TECPR1: variants seen among roughly 807,000 people sequenced by gnomAD.
TECPR1 encodes tectonin beta-propeller repeat containing 1, also known as tectonin beta-propeller repeat-containing protein 1.
TECPR1 carries 122 observed loss-of-function variants against 162.4 expected under a neutral mutation model. The ratio of observed to expected loss-of-function variants is 0.75; its 90% CI spans 0.65 to 0.87. The LOEUF (loss-of-function observed/expected upper bound fraction) is 0.87. Ranked by LOEUF, TECPR1 falls within the 40% of genes least tolerant of loss-of-function variation. The pLI is 0.00. For missense variants in TECPR1, 1,432 were observed against 1,618.2 expected, an observed-to-expected ratio of 0.88 and a Z score of 1.97; for synonymous variants, 642 against 670.6, an observed-to-expected ratio of 0.96 and a Z score of 0.66.
At position 98,217,129 on chromosome 7, in the gene TECPR1, C is replaced by G. The variant is rs551232399; in HGVS notation, c.*261G>C. 3.8e-4 allele frequency: 159 copies of G among 417,214 alleles called. No homozygotes were observed. The highest frequency in any genetic ancestry group is 3.0e-3 in the African/African-American group (145 of 48,526). The allele number at this position is 417,214 out of a possible 1,614,324, so 25.8% of individuals were successfully genotyped here. A position where few individuals can be genotyped will look rare whatever the true frequency, so the allele number is the denominator to read the frequency against. ...GGGAAGGGAAGGGTGGGAGGGGCCT[C>G]TGGGAGGTGCAGCCCCACCCCATGC... is the stretch of plus-strand genomic sequence containing the variant. On this transcript the variant is annotated 3_prime_UTR_variant, in exon 26 of 26. Transcript: ENST00000447648.
intron 17 of TECPR1, 82 bp downstream of exon 17, chr7:98,227,932 A>T: frequency 8.8e-7 from 1 of 1,139,118 alleles, no homozygotes. Flanking sequence ...ACTCCACGCT[A>T]CGGTGGATGT....
rs1457116947 is a variant in TECPR1 at position 98,231,267 on chromosome 7, G to A, written c.2081C>T (p.Pro694Leu). The change falls in exon 14 of 26, where the codon CCG (proline) becomes CTG (leucine). Residue 694 changes from proline to leucine, a missense_variant. Coordinates refer to ENST00000447648, the MANE Select transcript of TECPR1 (RefSeq NM_015395.3). ...YTPERTRQRW[P>L]VRLAAATEQD... ...CTCGGTGGCAGCAGCCAGACGCACC[G>A]GCCACCTCTGCCGTGTCCGCTCAGG... is the stretch of plus-strand genomic sequence containing the variant. 9 of 1,612,884 alleles carry A rather than the reference G, an allele frequency of 5.6e-6. No individual in the cohort carries two copies. Among genetic ancestry groups the A allele is most frequent in the East Asian group, 2.2e-5 (1 of 44,862 alleles).
In TECPR1 at chr7:98,233,833, G is replaced by A. The variant is rs2291750; in HGVS notation, c.1260C>T (p.Val420=). The part of the protein sequence containing the change: ...APSDTDASSE[V]ERPGPGQILP... ...GAATCTGGCCAGGCCCTGGTCTCTCGACTTCCGAGGAGGCATCGGTGTCGC... is the reference window on the plus strand; with the variant it reads ...GAATCTGGCCAGGCCCTGGTCTCTCAACTTCCGAGGAGGCATCGGTGTCGC... Residue 420 remains valine (V), a synonymous_variant, in exon 11 of 26, where the codon GTC becomes GTT. Transcript: ENST00000447648. The A allele has an allele frequency of 0.25, 389,646 of 1,590,000 alleles. 51,103 individuals are homozygous for A. Among genetic ancestry groups the A allele is most frequent in the East Asian group, 0.46 (20,073 of 43,746 alleles).
chr7:98,222,541 G>A lies in TECPR1; in HGVS notation c.2929-20C>T. On this transcript the variant is annotated intron_variant, in intron 21 of 25. Coordinates refer to ENST00000447648, the MANE Select transcript of TECPR1 (RefSeq NM_015395.3). ...GGAGCCCTGGGGATAGCAAGGAGGG[G>A]CGCTGAGGTCACCAGGGCCCCCACC... 1.3e-6 allele frequency: 2 copies of A among 1,559,692 alleles called. No homozygotes were observed. Among genetic ancestry groups the A allele is most frequent in the Non-Finnish European group, 1.7e-6 (2 of 1,153,464 alleles).
chr7:98,226,238 T>C (rs940201691), intron 17 of TECPR1, among the ~76,000 whole-genome samples: 2 of 151,610 alleles, frequency 1.3e-5, no homozygotes, highest in African/African-American at 4.9e-5. Flanking sequence ...GAGGCGGAGG[T>C]TTTCAGGATG....
intron 2 of TECPR1, among the ~76,000 whole-genome samples, chr7:98,250,496 G>C (rs1256977685): frequency 6.6e-6 from 1 of 152,180 alleles, no homozygotes; most frequent in African/African-American, 2.4e-5. Context: ...AAATTAGCCA[G>C]GTGTGGTGGC....
At chr7:98,218,082 C>T (rs1292707750) in intron 23 of TECPR1, 40 bp from the exon 24 acceptor site, 7 of 1,499,896 alleles carry the variant, frequency 4.7e-6, no homozygotes, top group Non-Finnish European at 4.5e-6. Context: ...GGAAGACCTT[C>T]CCGGCCCCTC....
Position 98,240,886 on chromosome 7 carries a change from C to T in TECPR1, c.898G>A (p.Val300Ile), listed in dbSNP as rs1219467212. The change falls in exon 8 of 26, where the codon GTC becomes ATC. Residue 300 changes from valine to isoleucine, a missense_variant. Transcript: ENST00000447648. ...ENGVMHISVG[V>I]SVVWAVTKDW... ...TTGGTGACAGCCCAGACCACGCTGACTCCCACCGAGATGTGCATGACCCCG... is the reference window on the plus strand; with the variant it reads ...TTGGTGACAGCCCAGACCACGCTGATTCCCACCGAGATGTGCATGACCCCG... The T allele has an allele frequency of 6.2e-7, 1 of 1,606,032 alleles. No homozygotes were observed. Among genetic ancestry groups the T allele is most frequent in the Admixed American group, 1.7e-5 (1 of 59,268 alleles).
chr7:98,247,612 T>C (rs1798945265), intron 2 of TECPR1, among the ~76,000 whole-genome samples: 1 of 152,198 alleles, frequency 6.6e-6, no homozygotes, highest in Non-Finnish European at 1.5e-5. Flanking sequence ...AACGTGACCA[T>C]GTGAATTCAG....
intron 23 of TECPR1, among the ~76,000 whole-genome samples, chr7:98,220,746 G>A (rs1248958984): frequency 6.6e-6 from 1 of 152,066 alleles, no homozygotes; most frequent in African/African-American, 2.4e-5. Context: ...TTTTAGTAGA[G>A]ACAGGGTTTC....
Position 98,229,029 on chromosome 7 carries a change from C to A in TECPR1, c.2410+10G>T. 6.3e-7 allele frequency: 1 copy of A among 1,599,382 alleles called. No homozygotes were observed. ...AGGAAGGCTCCGGGGGGGCTGTGGG[C>A]CGCCCTCACCTTGGAAGCAGCCGCC... On this transcript the variant is annotated intron_variant, in intron 16 of 25. Coordinates refer to ENST00000447648, the MANE Select transcript of TECPR1 (RefSeq NM_015395.3).
At chr7:98,235,994 G>C (rs1221855666) in intron 10 of TECPR1, among the ~76,000 whole-genome samples, 3 of 152,104 alleles carry the variant, frequency 2.0e-5, no homozygotes, top group Non-Finnish European at 4.4e-5. Context: ...CAGGGGCTAG[G>C]GAGGGTCACA....
Position 98,229,119 on chromosome 7 carries a change from C to T in TECPR1, c.2330G>A (p.Ser777Asn). Residue 777 changes from serine to asparagine, a missense_variant, in exon 16 of 26, where the codon AGC (serine) becomes AAC (asparagine). Transcript: ENST00000447648. ...GCCGATGCCCCACACCACGCCCCGG[C>T]TGTTGGCCTCCACCATCCGCAGGTG... ...GGHLRMVEAN[S>N]RGVVWGIGYD... 1 of 1,569,752 alleles carries T rather than the reference C, an allele frequency of 6.4e-7. No individual in the cohort carries two copies. The highest frequency in any genetic ancestry group is 8.6e-7 in the Non-Finnish European group (1 of 1,158,326).
intron 20 of TECPR1, 56 bp downstream of exon 20, chr7:98,223,606 A>G (rs1270121945): frequency 6.3e-7 from 1 of 1,596,202 alleles, no homozygotes; most frequent in Middle Eastern, 1.7e-4. Flanking sequence ...GAGCTCCCTC[A>G]AGGGTGGCTC....
In TECPR1 at chr7:98,229,277, T is replaced by C; in HGVS notation, c.2283-111A>G. On this transcript the variant is annotated intron_variant, in intron 15 of 25. Coordinates refer to ENST00000447648, the MANE Select transcript of TECPR1 (RefSeq NM_015395.3). ...TGTGGTTCTGGGATTTTCCCAGCCC[T>C]CGGTCTCCAAGCACAGACCATCCAC... 3 of 1,407,614 alleles carry C rather than the reference T, an allele frequency of 2.1e-6. No individual in the cohort carries two copies. In the Admixed American group the frequency reaches 6.8e-5, roughly 32 times the overall value. 87.2% of individuals were successfully genotyped at this position (1,407,614 alleles called of 1,614,324 possible). A position where few individuals can be genotyped will look rare whatever the true frequency, so the allele number is the denominator to read the frequency against.
chr7:98,232,077 T>A lies in TECPR1; in HGVS notation c.1819-118A>T. 1 of 1,092,876 alleles carries A rather than the reference T, an allele frequency of 9.2e-7. No homozygotes were observed. Among genetic ancestry groups the A allele is most frequent in the Middle Eastern group, 3.1e-4 (1 of 3,278 alleles). The allele number at this position is 1,092,876 out of a possible 1,614,324, so 67.7% of individuals were successfully genotyped here. ...GGCTGGGGTAGGGCCCACCCAGCAC[T>A]CCCGGCTGTCAGCCCAGCTCCCCCT... On this transcript the variant is annotated intron_variant, in intron 12 of 25. Transcript: ENST00000447648. The surrounding 1 kb of genome is among the most constrained non-coding windows in gnomAD (Gnocchi z 4.6).
intron 9 of TECPR1, among the ~76,000 whole-genome samples, chr7:98,237,161 G>A (rs1484383659): frequency 6.6e-6 from 1 of 151,962 alleles, no homozygotes; most frequent in Non-Finnish European, 1.5e-5. Flanking sequence ...AAGGTGACAA[G>A]GTCCACGGGA....
chr7:98,222,340 G>A, intron 22 of TECPR1, 46 bp downstream of exon 22: 1 of 1,584,426 alleles, frequency 6.3e-7, no homozygotes, highest in Non-Finnish European at 8.6e-7. Flanking sequence ...ACATCAGCTT[G>A]GACGGAAGGT....
rs764881601 is a variant in TECPR1, at chr7:98,230,990, G to T, written c.2253C>A (p.Ala751=). 1 of 1,612,202 alleles carries T rather than the reference G, an allele frequency of 6.2e-7. No homozygotes were observed. Among genetic ancestry groups the T allele is most frequent in the South Asian group, 1.1e-5 (1 of 90,994 alleles). ...FVSEPSPDLE[A]HEHPLPCDQM... ...GGTCGCAGGGCAGGGGGTGCTCGTG[G>T]GCCTCCAGGTCTGGGCTGGGCTCGC... is the stretch of plus-strand genomic sequence containing the variant. Residue 751 remains alanine (A), a synonymous_variant, in exon 15 of 26, where the codon GCC becomes GCA. Transcript: ENST00000447648.
Sources: allele counts gnomAD v4.1 joint callset (sites outside exome capture counted in the v4.1 genomes callset), GRCh38; gene constraint gnomAD v4.1.1; non-coding constraint Gnocchi (gnomAD v3.1); transcripts MANE v1.5; gene names NCBI Gene and HGNC (gene_info 2026-07-23, HGNC 2026-07-21).